CES5A: variants seen among roughly 807,000 people sequenced by gnomAD.
The protein encoded by CES5A is carboxylesterase 5A, also known as carboxylesterase 5.
A neutral mutation model predicts 62.9 loss-of-function variants in CES5A; 67 were observed. The ratio of observed to expected loss-of-function variants is 1.07; its 90% CI spans 0.88 to 1.31. CES5A has a LOEUF of 1.31. Among genes scored for constraint, CES5A ranks in the 50% most tolerant of loss-of-function variants. CES5A has a pLI of 0.00. For synonymous variants in CES5A, 296 were observed against 280.8 expected (o/e 1.05, Z -0.54); for missense variants, 748 against 708.5 (o/e 1.06, Z -0.63).
chr16:55,914,433 T>C (rs2034124417), intron 1 of CES5A, among the ~76,000 whole-genome samples: 1 of 152,152 alleles, frequency 6.6e-6, no homozygotes, highest in Non-Finnish European at 1.5e-5. Context: ...CCCCACGGTC[T>C]GGTAGTAGGT....
intron 1 of CES5A, among the ~76,000 whole-genome samples, chr16:55,899,308 G>A (rs1366456544): frequency 6.6e-6 from 1 of 152,146 alleles, no homozygotes; most frequent in Non-Finnish European, 1.5e-5. Flanking sequence ...TATAATGGGA[G>A]GCTTCCTGGA....
chr16:55,915,297 G>C (rs1403239798), intron 1 of CES5A, among the ~76,000 whole-genome samples: 1 of 152,158 alleles, frequency 6.6e-6, no homozygotes, highest in Admixed American at 6.5e-5. Context: ...AGGCACACCC[G>C]CTGAATGACA....
intron 1 of CES5A, among the ~76,000 whole-genome samples, chr16:55,902,967 AAGAC>A (rs2034006110): frequency 6.6e-6 from 1 of 152,180 alleles, no homozygotes; most frequent in Admixed American, 6.5e-5. Context: ...AGAGGAAAGA[AAGAC>A]AGACAGTATA....
At position 55,873,752 on chromosome 16, in the gene CES5A, T is replaced by C. The variant is rs938322266; in HGVS notation, c.278+81A>G. 5.4e-6 allele frequency: 7 copies of C among 1,293,770 alleles called. No homozygotes were observed. The African/African-American group carries it at 1.0e-4, about 19-fold the overall frequency. The allele number at this position is 1,293,770 out of a possible 1,614,324, so 80.1% of individuals were successfully genotyped here. A position where few individuals can be genotyped will look rare whatever the true frequency, so the allele number is the denominator to read the frequency against. On this transcript the variant is annotated intron_variant, in intron 2 of 12. Coordinates refer to ENST00000290567, the MANE Select transcript of CES5A (RefSeq NM_001143685.2). ...CTCCCCCATCCATGCCAATCCCTCT[T>C]CTTTCACACTGGGCTGCATGACCTG...
At chr16:55,862,117 C>T (rs1332190955) in intron 6 of CES5A, among the ~76,000 whole-genome samples, 1 of 152,158 alleles carries the variant, frequency 6.6e-6, no homozygotes, top group African/African-American at 2.4e-5. Flanking sequence ...ATTGCAGCCC[C>T]CAGAAACCCC....
intron 1 of CES5A, among the ~76,000 whole-genome samples, chr16:55,880,623 C>T (rs1362982643): frequency 6.6e-6 from 1 of 152,214 alleles, no homozygotes; most frequent in African/African-American, 2.4e-5. Flanking sequence ...CCCCCCTAGT[C>T]AGACAGCATC....
At chr16:55,951,388 T>G (rs1383685728) in intron 1 of CES5A, among the ~76,000 whole-genome samples, 1 of 152,158 alleles carries the variant, frequency 6.6e-6, no homozygotes, top group Non-Finnish European at 1.5e-5. Flanking sequence ...ACTCTAAATA[T>G]CAATATGTCT....
intron 8 of CES5A, 111 bp downstream of exon 8, chr16:55,859,436 G>A (rs867394150): frequency 2.5e-5 from 26 of 1,036,686 alleles, no homozygotes; most frequent in Non-Finnish European, 3.7e-5. Context: ...CTTGGCTGGT[G>A]GGCTCCAGCA....
chr16:55,885,976 C>A (rs1265748619), intron 1 of CES5A, among the ~76,000 whole-genome samples: 1 of 152,204 alleles, frequency 6.6e-6, no homozygotes, highest in Non-Finnish European at 1.5e-5. Context: ...TGGCTGACCC[C>A]ACGTTGTCTC....
At chr16:55,873,791 C>T in intron 2 of CES5A, 42 bp downstream of exon 2, 1 of 1,559,578 alleles carries the variant, frequency 6.4e-7, no homozygotes, top group Non-Finnish European at 8.7e-7. Flanking sequence ...TCCTGCCACT[C>T]CCAGAGTCAC....
chr16:55,853,060 G>A, intron 9 of CES5A, 32 bp from the exon 10 acceptor site: 3 of 1,611,270 alleles, frequency 1.9e-6, no homozygotes, highest in Non-Finnish European at 2.5e-6. Context: ...AGGAGATCCA[G>A]GTCAACCACA....
chr16:55,940,053 A>T (rs1274995205), intron 2 of CES5A, among the ~76,000 whole-genome samples: 2 of 152,052 alleles, frequency 1.3e-5, no homozygotes, highest in African/African-American at 4.8e-5. Context: ...AGTATTGGTT[A>T]AAAAAGAAAG....
In CES5A at chr16:55,861,399, C is replaced by G. The variant is rs1198317540; in HGVS notation, c.915+13G>C. 5 of 1,560,186 alleles carry G rather than the reference C, an allele frequency of 3.2e-6. No individual in the cohort carries two copies. The highest frequency in any genetic ancestry group is 4.4e-6 in the Non-Finnish European group (5 of 1,131,130). On this transcript the variant is annotated intron_variant, in intron 7 of 12. Transcript: ENST00000290567. ...GGCAAGCCTGCCCCCAAAACTGCCCCCTCTGTCCTCACCTGGCTGAGGGTC... is the reference window on the plus strand; with the variant it reads ...GGCAAGCCTGCCCCCAAAACTGCCCGCTCTGTCCTCACCTGGCTGAGGGTC...
upstream of CES5A, among the ~76,000 whole-genome samples, chr16:55,929,140 G>A (rs925110519): frequency 6.6e-6 from 1 of 152,244 alleles, no homozygotes; most frequent in Admixed American, 6.5e-5. Flanking sequence ...ACCTGGAGGT[G>A]AGCGGGTCAC....
chr16:55,913,781 G>A (rs1046533771), intron 1 of CES5A, among the ~76,000 whole-genome samples: 3 of 152,218 alleles, frequency 2.0e-5, no homozygotes, highest in Non-Finnish European at 4.4e-5. Flanking sequence ...AGAGTATCAA[G>A]TCCCTTCATG....
At chr16:55,892,905 C>A (rs1181338299) in intron 1 of CES5A, among the ~76,000 whole-genome samples, 2 of 152,006 alleles carry the variant, frequency 1.3e-5, no homozygotes, top group African/African-American at 4.8e-5. Context: ...AAGTTAAGGT[C>A]AAAAATAGGT....
chr16:55,889,946 G>C (rs2033858687), intron 1 of CES5A, among the ~76,000 whole-genome samples: 1 of 152,088 alleles, frequency 6.6e-6, no homozygotes, highest in African/African-American at 2.4e-5. Context: ...TATCACAGTG[G>C]GCTAGTCTTA....
At chr16:55,948,379 C>T (rs535707349) in intron 2 of CES5A, among the ~76,000 whole-genome samples, 1 of 152,192 alleles carries the variant, frequency 6.6e-6, no homozygotes, top group African/African-American at 2.4e-5. Context: ...ATCCGTCTCA[C>T]GCTCAGTTAA....
At chr16:55,854,544 C>CTTTTCTTTTTTTTTTTTT (rs750867515) in intron 9 of CES5A, among the ~76,000 whole-genome samples, 2 of 64,416 alleles carry the variant, frequency 3.1e-5, no homozygotes, top group Non-Finnish European at 5.2e-5. Context: ...TTTTTTTTTT[C>CTTTTCTTTTTTTTTTTTT]TTTTTTTTTT....
Sources: allele counts gnomAD v4.1 joint callset (sites outside exome capture counted in the v4.1 genomes callset), GRCh38; gene constraint gnomAD v4.1.1; transcripts MANE v1.5; gene names NCBI Gene and HGNC (gene_info 2026-07-23, HGNC 2026-07-21).